The following PID1 variants were observed in gnomAD, a reference collection of about 807,000 sequenced individuals.
The protein encoded by PID1 is phosphotyrosine interaction domain containing 1.
PID1 carries 10 observed loss-of-function variants against 19.1 expected under a neutral mutation model. The observed-to-expected ratio is 0.52, with a 90% CI of 0.32 to 0.89. The LOEUF is 0.89. Among genes scored for constraint, PID1 ranks in the 40% least tolerant of loss-of-function variants. The pLI is 0.03. For synonymous variants in PID1, 130 were observed against 116.0 expected, an observed-to-expected ratio of 1.12 and a Z score of -0.78; for missense variants, 248 against 285.3, an observed-to-expected ratio of 0.87 and a Z score of 0.94.
intron 1 of PID1, among the ~76,000 whole-genome samples, chr2:229,210,449 G>A (rs1192151644): frequency 5.5e-5 from 8 of 145,356 alleles, no homozygotes; most frequent in Admixed American, 1.4e-4. Context: ...CCGGGGAGGC[G>A]GAGCTTGCAG....
intron 1 of PID1, among the ~76,000 whole-genome samples, chr2:229,177,646 C>T (rs947854915): frequency 3.3e-5 from 5 of 152,008 alleles, no homozygotes; most frequent in Admixed American, 6.5e-5. Flanking sequence ...TTTTAGACTT[C>T]TGATAAGGAA....
intron 1 of PID1, among the ~76,000 whole-genome samples, chr2:229,203,162 G>A (rs970170519): frequency 6.6e-5 from 10 of 152,054 alleles, no homozygotes; most frequent in African/African-American, 2.4e-4. Flanking sequence ...ACCAGTACTT[G>A]AGAGCCAGTG....
intron 2 of PID1, among the ~76,000 whole-genome samples, chr2:229,100,744 T>C (rs1360207389): frequency 6.6e-6 from 1 of 152,186 alleles, no homozygotes; most frequent in Non-Finnish European, 1.5e-5. Context: ...AGGCCTGCTT[T>C]GGTGATGGAG....
At chr2:229,256,706 G>A (rs1440613636) in intron 1 of PID1, among the ~76,000 whole-genome samples, 1 of 152,174 alleles carries the variant, frequency 6.6e-6, no homozygotes, top group Admixed American at 6.5e-5. Context: ...TGGCTGTAAA[G>A]TTCTATGCTT....
At chr2:229,214,822 T>C (rs6729811) in intron 1 of PID1, among the ~76,000 whole-genome samples, 72,622 of 151,902 alleles carry the variant, frequency 0.48, 18,048 homozygotes, top group East Asian at 0.76. Context: ...TTTGTAAGCA[T>C]AGGAAGACTC....
At chr2:229,114,927 T>C (rs1695379807) in intron 2 of PID1, among the ~76,000 whole-genome samples, 1 of 152,208 alleles carries the variant, frequency 6.6e-6, no homozygotes, top group Non-Finnish European at 1.5e-5. Context: ...CTAATTTCAC[T>C]TGAATTATAA....
At chr2:229,170,131 G>T (rs1446727886) in intron 1 of PID1, among the ~76,000 whole-genome samples, 1 of 152,154 alleles carries the variant, frequency 6.6e-6, no homozygotes, top group Non-Finnish European at 1.5e-5. Flanking sequence ...TGGCCAAGTC[G>T]CATGTACTTC....
chr2:229,126,140 C>T (rs1695618243), intron 2 of PID1, among the ~76,000 whole-genome samples: 2 of 152,268 alleles, frequency 1.3e-5, no homozygotes, highest in Non-Finnish European at 2.9e-5. Flanking sequence ...TTGCCAGATG[C>T]AACAGTAAAT....
intron 1 of PID1, among the ~76,000 whole-genome samples, chr2:229,236,914 C>A (rs1276565183): frequency 2.0e-5 from 3 of 150,484 alleles, no homozygotes; most frequent in Non-Finnish European, 4.4e-5. Flanking sequence ...TTATAGATAG[C>A]TATTTCATAC....
chr2:229,115,919 G>T (rs966668662), intron 2 of PID1, among the ~76,000 whole-genome samples: 4 of 151,978 alleles, frequency 2.6e-5, no homozygotes, highest in Admixed American at 1.3e-4. Flanking sequence ...TAGCTTCCAG[G>T]TGAAATATTT....
intron 2 of PID1, among the ~76,000 whole-genome samples, chr2:229,137,214 T>C (rs1689873920): frequency 2.0e-5 from 3 of 152,200 alleles, no homozygotes; most frequent in South Asian, 4.1e-4. Context: ...GCTGCTCTGC[T>C]TAATACATTT....
intron 2 of PID1, among the ~76,000 whole-genome samples, chr2:229,036,221 G>A (rs934356110): frequency 5.3e-5 from 8 of 152,108 alleles, no homozygotes; most frequent in African/African-American, 1.7e-4. Context: ...CCCTCAGAAG[G>A]CCAACCCAAG....
In PID1 at chr2:229,249,232, T is replaced by A. The variant is rs1256330482; in HGVS notation, c.30+21782A>T. On this transcript the variant is annotated intron_variant, in intron 1 of 2. Coordinates refer to ENST00000392055, the MANE Select transcript of PID1 (RefSeq NM_001100818.2). ...TATCTTTATTTAAATGTCAAGAAAA[T>A]CCAGAACACATTTCAAAAAAGTTTA... 4.0e-5 allele frequency among the ~76,000 whole-genome samples: 6 copies of A among 150,084 alleles called. No individual in the cohort carries two copies. In the East Asian group the frequency reaches 1.2e-3, roughly 29 times the overall value.
At chr2:229,081,600 C>A (rs1694670000) in intron 2 of PID1, among the ~76,000 whole-genome samples, 1 of 152,150 alleles carries the variant, frequency 6.6e-6, no homozygotes, top group Admixed American at 6.5e-5. Flanking sequence ...CATGATGAAA[C>A]CACTGGAGCA....
chr2:229,266,623 G>A (rs1333081890), intron 1 of PID1, among the ~76,000 whole-genome samples: 1 of 152,224 alleles, frequency 6.6e-6, no homozygotes, highest in Non-Finnish European at 1.5e-5. Flanking sequence ...AAGTGCTTAA[G>A]AAGTAAGGAT....
intron 2 of PID1, among the ~76,000 whole-genome samples, chr2:229,070,638 A>G (rs1369760846): frequency 6.6e-6 from 1 of 152,200 alleles, no homozygotes; most frequent in Non-Finnish European, 1.5e-5. Context: ...TCATACCAAG[A>G]GGGCATGAAA....
intron 1 of PID1, among the ~76,000 whole-genome samples, chr2:229,172,570 T>C (rs1403466223): frequency 3.3e-5 from 5 of 152,182 alleles, no homozygotes; most frequent in Non-Finnish European, 7.3e-5. Context: ...TCTCTGTGTC[T>C]TAATTTCCTT....
chr2:229,055,464 A>C (rs1048971732), intron 2 of PID1, among the ~76,000 whole-genome samples: 2 of 152,216 alleles, frequency 1.3e-5, no homozygotes, highest in Non-Finnish European at 1.5e-5. Context: ...AGAGGAAAAA[A>C]TACTGTCAGG....
intron 1 of PID1, among the ~76,000 whole-genome samples, chr2:229,175,135 T>C (rs970926133): frequency 6.6e-6 from 1 of 152,208 alleles, no homozygotes; most frequent in African/African-American, 2.4e-5. Flanking sequence ...GTCCAAATTG[T>C]AGATTTACAA....
Sources: allele counts gnomAD v4.1 joint callset (sites outside exome capture counted in the v4.1 genomes callset), GRCh38; gene constraint gnomAD v4.1.1; transcripts MANE v1.5; gene names NCBI Gene and HGNC (gene_info 2026-07-23, HGNC 2026-07-21).